Variants in NPM2 observed in about 807,000 individuals in gnomAD.
NPM2 encodes the protein nucleophosmin/nucleoplasmin 2, also known as nucleoplasmin-2.
In NPM2, 25 loss-of-function variants were observed where a neutral mutation model predicts 32.0. That is an observed-to-expected ratio of 0.78 (90% CI 0.57 to 1.09). NPM2 has a LOEUF of 1.09. Among genes scored for constraint, NPM2 ranks in the 50% least tolerant of loss-of-function variants. The probability of loss-of-function intolerance (pLI) is 0.00; values close to 1 mark genes in which losing one functional copy is unlikely to be tolerated. For synonymous variants in NPM2, 111 were observed against 94.2 expected, an observed-to-expected ratio of 1.18 and a Z score of -1.04; for missense variants, 282 against 259.9, an observed-to-expected ratio of 1.08 and a Z score of -0.58.
rs1800161476 is a variant in NPM2 at position 22,024,475 on chromosome 8, G to C, written c.-289G>C. 1 of 152,582 alleles carries C rather than the reference G, an allele frequency of 6.6e-6. No individual in the cohort carries two copies. The highest frequency in any genetic ancestry group is 6.5e-5 in the Admixed American group (1 of 15,286). The allele number at this position is 152,582 out of a possible 1,614,324, so 9.5% of individuals were successfully genotyped here. ...CCTCGGCGGGTCCGCAATTGGCCGGGACAGCTTCTCACGAAAGGTCCTGGG... is the reference window on the plus strand; with the variant it reads ...CCTCGGCGGGTCCGCAATTGGCCGGCACAGCTTCTCACGAAAGGTCCTGGG... On this transcript the variant is annotated 5_prime_UTR_variant, in exon 1 of 10. Transcript: ENST00000518119.
chr8:22,025,789 T>C lies in NPM2; in HGVS notation c.270+17T>C. On this transcript the variant is annotated intron_variant, in intron 5 of 9. Coordinates refer to ENST00000518119, the MANE Select transcript of NPM2 (RefSeq NM_001286680.2). ...CTCCCCATGGTGCGCATTTCCCTGC[T>C]GGCTGGAAGACTGCTGTCAGCCTCA... 1.2e-6 allele frequency: 2 copies of C among 1,613,756 alleles called. No homozygotes were observed. The highest frequency in any genetic ancestry group is 1.7e-6 in the Non-Finnish European group (2 of 1,179,944).
intron 5 of NPM2, among the ~76,000 whole-genome samples, chr8:22,027,670 G>C (rs556675538): frequency 6.7e-6 from 1 of 150,284 alleles, no homozygotes; most frequent in Non-Finnish European, 1.5e-5. Context: ...GCAATGGTGC[G>C]CTCTCGGCTC....
chr8:22,036,462 C>G, intron 8 of NPM2, 31 bp from the exon 9 acceptor site: 1 of 1,595,654 alleles, frequency 6.3e-7, no homozygotes, highest in Non-Finnish European at 8.5e-7. Context: ...TGACCCCAAT[C>G]CCACTCCTGC....
intron 8 of NPM2, among the ~76,000 whole-genome samples, chr8:22,035,378 A>G (rs1427263066): frequency 2.0e-5 from 3 of 152,128 alleles, no homozygotes; most frequent in African/African-American, 4.8e-5. Context: ...GGCTCAAGCA[A>G]TCCTCCCACC....
chr8:22,036,145 A>C (rs1331927723), intron 8 of NPM2, among the ~76,000 whole-genome samples: 2 of 152,024 alleles, frequency 1.3e-5, no homozygotes, highest in Non-Finnish European at 2.9e-5. Context: ...GCTTCTCAGG[A>C]GGCTGAGGCA....
rs772855725 is a variant in NPM2, at chr8:22,025,774, T to G, written c.270+2T>G. 1.1e-5 allele frequency: 17 copies of G among 1,613,828 alleles called. No individual in the cohort carries two copies. The highest frequency in any genetic ancestry group is 1.4e-5 in the Non-Finnish European group (17 of 1,179,998). ...CTCCAGGCCTCAGTCCTCCCCATGG[T>G]GCGCATTTCCCTGCTGGCTGGAAGA... is the stretch of plus-strand genomic sequence containing the variant. On this transcript the variant is annotated splice_donor_variant, in intron 5 of 9. Coordinates refer to ENST00000518119, the MANE Select transcript of NPM2 (RefSeq NM_001286680.2). LOFTEE classifies it high-confidence loss of function.
chr8:22,027,421 A>C (rs1182107963), intron 5 of NPM2, among the ~76,000 whole-genome samples: 1 of 151,998 alleles, frequency 6.6e-6, no homozygotes, highest in African/African-American at 2.4e-5. Flanking sequence ...TGTAAACTCA[A>C]CCTCTCTTGA....
rs997146601 is a variant in NPM2, at chr8:22,025,210, T to A, written c.-33-6T>A. On this transcript the variant is annotated splice_polypyrimidine_tract_variant and splice_region_variant and intron_variant, in intron 2 of 9. Transcript: ENST00000518119. ...GCAAGGCCTCACGCGGGCGCCCTCCTTGCAGCTGCCCGGCCAGCCCGCTTC... is the reference window on the plus strand; with the variant it reads ...GCAAGGCCTCACGCGGGCGCCCTCCATGCAGCTGCCCGGCCAGCCCGCTTC... The A allele has an allele frequency of 6.2e-7, 1 of 1,602,006 alleles. No homozygotes were observed. The highest frequency in any genetic ancestry group is 8.5e-7 in the Non-Finnish European group (1 of 1,176,450).
At chr8:22,026,972 A>C (rs1003689345) in intron 5 of NPM2, among the ~76,000 whole-genome samples, 2 of 152,198 alleles carry the variant, frequency 1.3e-5, no homozygotes, top group African/African-American at 4.8e-5. Flanking sequence ...GAGGGGGTTA[A>C]ATTTTACCAA....
intron 5 of NPM2, among the ~76,000 whole-genome samples, chr8:22,028,341 A>ATTTT (rs36012479): frequency 6.1e-5 from 4 of 65,570 alleles, no homozygotes; most frequent in African/African-American, 1.8e-4. Flanking sequence ...TGCCAAAAAG[A>ATTTT]TTTTTTTTTT....
At chr8:22,028,886 T>C (rs1032544812) in intron 5 of NPM2, among the ~76,000 whole-genome samples, 1 of 152,202 alleles carries the variant, frequency 6.6e-6, no homozygotes, top group Non-Finnish European at 1.5e-5. Context: ...TGATTGCTGA[T>C]GTAATTGGAT....
Position 22,033,236 on chromosome 8 carries a change from C to T in NPM2, c.364+13C>T, listed in dbSNP as rs763757087. On this transcript the variant is annotated intron_variant, in intron 6 of 9. Coordinates refer to ENST00000518119, the MANE Select transcript of NPM2 (RefSeq NM_001286680.2). ...CAGGAACGTTATGGTAAGTCAGAGC[C>T]TGCGATCAGGAAGGTCCGTGAGTAC... 114 of 1,608,532 alleles carry T rather than the reference C, an allele frequency of 7.1e-5. No individual in the cohort carries two copies. Among genetic ancestry groups the T allele is most frequent in the South Asian group, 4.4e-4 (40 of 90,986 alleles).
Position 22,036,501 on chromosome 8 carries a change from T to A in NPM2, c.575T>A (p.Val192Asp), listed in dbSNP as rs1436513203. The A allele has an allele frequency of 6.2e-7, 1 of 1,604,944 alleles. No individual in the cohort carries two copies. Among genetic ancestry groups the A allele is most frequent in the Non-Finnish European group, 8.5e-7 (1 of 1,175,962 alleles). Residue 192 changes from valine to aspartate, a missense_variant, in exon 9 of 10, where the codon GTT (valine) becomes GAT (aspartate). Val to Asp is a radical substitution (Grantham distance 152, BLOSUM62 -3). Transcript: ENST00000518119. ...GCTCCACCCTGTTGCAGAGCCAGCG[T>A]TAGAGACAAGAGCCCTGTGAAAAAG... The part of the protein sequence containing the change: ...EKEEEEIRAS[V>D]RDKSPVKKAK...
At chr8:22,030,346 C>T (rs1262992586) in intron 5 of NPM2, among the ~76,000 whole-genome samples, 1 of 151,758 alleles carries the variant, frequency 6.6e-6, no homozygotes, top group Non-Finnish European at 1.5e-5. Context: ...TCAAGTGATC[C>T]TCCCACTCAG....
chr8:22,034,953 CA>C, intron 8 of NPM2, among the ~76,000 whole-genome samples: 1 of 152,058 alleles, frequency 6.6e-6, no homozygotes, highest in Non-Finnish European at 1.5e-5. Context: ...ACTAAAAACA[CA>C]AAAATTAACC....
chr8:22,024,587 G>C lies in NPM2; in HGVS notation c.-177G>C, dbSNP rs546777124. 1 of 152,444 alleles carries C rather than the reference G, an allele frequency of 6.6e-6. No individual in the cohort carries two copies. The highest frequency in any genetic ancestry group is 6.5e-5 in the Admixed American group (1 of 15,290). The allele number at this position is 152,444 out of a possible 1,614,324, so 9.4% of individuals were successfully genotyped here. On this transcript the variant is annotated 5_prime_UTR_variant, in exon 1 of 10. Coordinates refer to ENST00000518119, the MANE Select transcript of NPM2 (RefSeq NM_001286680.2). Reference sequence around the variant, plus strand: ...GACCGACGCCAAGGGCAGCTGTGGAGTGGGGCGCGGCAATGCGCCCCTTAA... The same window carrying C: ...GACCGACGCCAAGGGCAGCTGTGGACTGGGGCGCGGCAATGCGCCCCTTAA...
intron 8 of NPM2, 87 bp downstream of exon 8, chr8:22,034,631 T>G (rs1800559713): frequency 9.1e-7 from 1 of 1,095,068 alleles, no homozygotes; most frequent in Admixed American, 2.0e-5. Context: ...GGGATGTACG[T>G]GTACAAATGT....
At chr8:22,035,243 A>G (rs766531353) in intron 8 of NPM2, among the ~76,000 whole-genome samples, 1 of 152,242 alleles carries the variant, frequency 6.6e-6, no homozygotes. Flanking sequence ...CTTATGAAGA[A>G]TATAGCAACC....
intron 8 of NPM2, among the ~76,000 whole-genome samples, 191 bp downstream of exon 8, chr8:22,034,735 A>T (rs534269858): frequency 6.6e-6 from 1 of 152,204 alleles, no homozygotes; most frequent in Non-Finnish European, 1.5e-5. Flanking sequence ...CAACGTTCTT[A>T]TCTTGGGATC....
Sources: gnomAD v4.1 joint callset for allele counts (sites outside exome capture counted in the v4.1 genomes callset) on GRCh38, gnomAD v4.1.1 for gene constraint, MANE v1.5 for transcripts, NCBI Gene and HGNC (gene_info 2026-07-23, HGNC 2026-07-21) for gene names.